The following MRPS5 variants were observed in gnomAD, a reference collection of about 807,000 sequenced individuals.
MRPS5 encodes small ribosomal subunit protein uS5m.
In MRPS5, 27 loss-of-function variants were observed where a neutral mutation model predicts 51.9. The observed-to-expected ratio is 0.52, with a 90% CI of 0.38 to 0.72. The LOEUF is 0.72. Ranked by LOEUF, MRPS5 falls within the 30% of genes least tolerant of loss-of-function variation. The pLI, the probability that MRPS5 is intolerant of heterozygous loss-of-function variation, is 0.00. For missense variants in MRPS5, 570 were observed against 545.7 expected (o/e 1.04, Z -0.44); for synonymous variants, 196 against 193.2 (o/e 1.01, Z -0.12).
chr2:95,107,914 C>T (rs1675997567), intron 5 of MRPS5, among the ~76,000 whole-genome samples: 1 of 152,158 alleles, frequency 6.6e-6, no homozygotes, highest in Non-Finnish European at 1.5e-5. Flanking sequence ...TGTAGGTCCA[C>T]AGTGCACATC....
In MRPS5 at chr2:95,087,218, A is replaced by C; in HGVS notation, c.*139T>G. ...ATGTGCTCAACAAATGAAAGCTATA[A>C]TTATTTATTTCCAAAGAGTTTAAAG... is the stretch of plus-strand genomic sequence containing the variant. On this transcript the variant is annotated 3_prime_UTR_variant, in exon 12 of 12. Coordinates refer to ENST00000272418, the MANE Select transcript of MRPS5 (RefSeq NM_031902.5). The C allele has an allele frequency of 1.6e-6, 1 of 619,752 alleles. No homozygotes were observed. Among genetic ancestry groups the C allele is most frequent in the Non-Finnish European group, 2.8e-6 (1 of 359,472 alleles). 38.4% of individuals were successfully genotyped at this position (619,752 alleles called of 1,614,324 possible).
intron 5 of MRPS5, among the ~76,000 whole-genome samples, chr2:95,107,133 T>C (rs1473100320): frequency 6.6e-6 from 1 of 152,240 alleles, no homozygotes; most frequent in Non-Finnish European, 1.5e-5. Context: ...AGAAAGCTTA[T>C]GTATACATTA....
At position 95,117,951 on chromosome 2, in the gene MRPS5, A is replaced by T; in HGVS notation, c.59-6T>A. The stretch of plus-strand genomic sequence containing the variant: ...CTGCCTCCCCAATAAATGACCTGCA[A>T]ATTGGAAAAAAAAAAATTTAAGATA... On this transcript the variant is annotated splice_polypyrimidine_tract_variant and splice_region_variant and intron_variant, in intron 1 of 11. Coordinates refer to ENST00000272418, the MANE Select transcript of MRPS5 (RefSeq NM_031902.5). The T allele has an allele frequency of 6.3e-7, 1 of 1,589,300 alleles. No homozygotes were observed. The highest frequency in any genetic ancestry group is 1.2e-5 in the South Asian group (1 of 86,238).
intron 10 of MRPS5, chr2:95,091,149 T>G (rs1675455573): frequency 6.5e-6 from 1 of 153,106 alleles, no homozygotes; most frequent in East Asian, 1.9e-4. Flanking sequence ...GAGATTAATA[T>G]AAAGAGCACC....
At chr2:95,101,909 T>A in intron 7 of MRPS5, 186 bp from the exon 8 acceptor site, 1 of 549,650 alleles carries the variant, frequency 1.8e-6, no homozygotes, top group South Asian at 2.3e-5. Context: ...ATCTCAGCAC[T>A]TTAGGAGGCT....
At chr2:95,104,794 G>C (rs1375923811) in intron 6 of MRPS5, 64 bp from the exon 7 acceptor site, 1 of 1,479,196 alleles carries the variant, frequency 6.8e-7, no homozygotes, top group South Asian at 1.2e-5. Context: ...GAACTGGAGG[G>C]AGCCGCCTTC....
chr2:95,119,282 T>C (rs1676374405), intron 1 of MRPS5, among the ~76,000 whole-genome samples: 1 of 151,666 alleles, frequency 6.6e-6, no homozygotes, highest in African/African-American at 2.4e-5. Context: ...ATGAGGGAAA[T>C]GCAAATCAAA....
intron 10 of MRPS5, among the ~76,000 whole-genome samples, chr2:95,096,256 A>G (rs1388830620): frequency 6.6e-6 from 1 of 152,242 alleles, no homozygotes; most frequent in African/African-American, 2.4e-5. Flanking sequence ...TACCAGAGGT[A>G]CAAAGAGGAG....
intron 2 of MRPS5, among the ~76,000 whole-genome samples, chr2:95,116,720 C>T (rs1676294104): frequency 1.3e-5 from 2 of 152,230 alleles, no homozygotes; most frequent in Non-Finnish European, 2.9e-5. Flanking sequence ...AAAGCACCCT[C>T]GTGTGGCTCA....
rs1309140503 is a variant in MRPS5 at position 95,121,766 on chromosome 2, C to G, written c.26G>C (p.Gly9Ala). 6.4e-7 allele frequency: 1 copy of G among 1,553,648 alleles called. No homozygotes were observed. The highest frequency in any genetic ancestry group is 8.6e-7 in the Non-Finnish European group (1 of 1,159,144). ...CCCGCTACACAGCACGGGGAGGCAG[C>G]CCACAGCGCGCACCGCGGTCGCCAT... MATAVRAV[G>A]CLPVLCSGTA... The change falls in exon 1 of 12, where the codon GGC becomes GCC. Residue 9 changes from glycine to alanine, a missense_variant. Physicochemically the swap from Gly to Ala is moderately conservative, Grantham distance 60. Transcript: ENST00000272418.
chr2:95,100,449 C>A, intron 10 of MRPS5, 25 bp downstream of exon 10: 1 of 1,538,154 alleles, frequency 6.5e-7, no homozygotes, highest in Non-Finnish European at 9.0e-7. Context: ...TTATCATCAA[C>A]AAATGGTAAG....
At position 95,104,231 on chromosome 2, in the gene MRPS5, GT is replaced by G. The variant is rs962076659; in HGVS notation, c.763+408del. The G allele has an allele frequency of 7.2e-3, 1,161 of 160,426 alleles. 3 individuals carry two copies. Among genetic ancestry groups the G allele is most frequent in the South Asian group, 0.017 (122 of 7,106 alleles). 9.9% of individuals were successfully genotyped at this position (160,426 alleles called of 1,614,324 possible). A position where few individuals can be genotyped will look rare whatever the true frequency, so the allele number is the denominator to read the frequency against. On this transcript the variant is annotated intron_variant, in intron 7 of 11. Transcript: ENST00000272418. ...ATATGGTCTTATATAACGTTTTTGT[GT>G]TTTTTTTTTTAACTTAGCATTATTT...
intron 10 of MRPS5, 137 bp from the exon 11 acceptor site, chr2:95,090,659 G>T: frequency 1.2e-6 from 1 of 861,928 alleles, no homozygotes; most frequent in Non-Finnish European, 1.8e-6. Context: ...TTCCTAGTGA[G>T]CTGACCCTTG....
intron 2 of MRPS5, among the ~76,000 whole-genome samples, chr2:95,116,426 G>C (rs1301093398): frequency 2.0e-5 from 3 of 151,966 alleles, no homozygotes; most frequent in Non-Finnish European, 4.4e-5. Flanking sequence ...ATCTAATAAT[G>C]TACCTTAAAA....
chr2:95,121,473 C>A (rs577201037), intron 1 of MRPS5, among the ~76,000 whole-genome samples: 121 of 152,350 alleles, frequency 7.9e-4, no homozygotes, highest in South Asian at 1.9e-3. Context: ...CAAGCACGCT[C>A]AAGCGGTTTC....
rs994229718 is a variant in MRPS5, at chr2:95,086,818, G to A, written c.*539C>T. 1.3e-5 allele frequency among the ~76,000 whole-genome samples: 2 copies of A among 152,170 alleles called. No individual in the cohort carries two copies. The highest frequency in any genetic ancestry group is 4.8e-5 in the African/African-American group (2 of 41,458). The stretch of plus-strand genomic sequence containing the variant: ...ATGGCCAATCAGCACATGAAAAGAT[G>A]TTCAACATCATCAGCCATCAGGGAA... On this transcript the variant is annotated 3_prime_UTR_variant, in exon 12 of 12. Transcript: ENST00000272418.
intron 1 of MRPS5, 98 bp downstream of exon 1, chr2:95,121,636 G>T: frequency 7.4e-7 from 1 of 1,343,240 alleles, no homozygotes; most frequent in Non-Finnish European, 1.0e-6. Flanking sequence ...GGGGGCCGCG[G>T]CTTCTCGCTT....
rs1675267736 is a variant in MRPS5 at position 95,085,650 on chromosome 2, G to A, written c.*1707C>T. On this transcript the variant is annotated 3_prime_UTR_variant, in exon 12 of 12. Transcript: ENST00000272418. Reference sequence around the variant, plus strand: ...CTTCCAGCAGAAAGGCCTCAGCAGAGGTCCCGAGGACAGCGACAGGAGGAA... The same window carrying A: ...CTTCCAGCAGAAAGGCCTCAGCAGAAGTCCCGAGGACAGCGACAGGAGGAA... 1.3e-5 allele frequency among the ~76,000 whole-genome samples: 2 copies of A among 152,114 alleles called. No homozygotes were observed. Among genetic ancestry groups the A allele is most frequent in the South Asian group, 2.1e-4 (1 of 4,820 alleles).
chr2:95,103,021 G>T (rs1238349718), intron 7 of MRPS5, among the ~76,000 whole-genome samples: 1 of 152,150 alleles, frequency 6.6e-6, no homozygotes, highest in Non-Finnish European at 1.5e-5. Flanking sequence ...TTAAACCATG[G>T]AAGTCCTAGA....
Sources: allele counts gnomAD v4.1 joint callset (sites outside exome capture counted in the v4.1 genomes callset), GRCh38; gene constraint gnomAD v4.1.1; transcripts MANE v1.5; gene names NCBI Gene and HGNC (gene_info 2026-07-23, HGNC 2026-07-21).